Variants in CHSY3 observed in about 807,000 individuals in gnomAD.
CHSY3 encodes the protein chondroitin sulfate synthase 3, also known as N-acetylgalactosaminyl-proteoglycan 3-beta-glucuronosyltransferase 3.
Under a neutral mutation model 67.2 loss-of-function variants are expected in CHSY3, and 35 were observed. The observed-to-expected ratio is 0.52, with a 90% CI of 0.40 to 0.69. The LOEUF is 0.69. Ranked by LOEUF, CHSY3 falls within the 30% of genes least tolerant of loss-of-function variation. The pLI is 0.00. For missense variants in CHSY3, 1,069 were observed against 1,138.5 expected, an observed-to-expected ratio of 0.94 and a Z score of 0.88; for synonymous variants, 474 against 434.7, an observed-to-expected ratio of 1.09 and a Z score of -1.12.
chr5:129,956,978 T>C (rs184493085), intron 2 of CHSY3, among the ~76,000 whole-genome samples: 342 of 152,078 alleles, frequency 2.2e-3, no homozygotes, highest in African/African-American at 7.3e-3. Flanking sequence ...ATTGTAAAAT[T>C]GGTTTTTTTC....
chr5:129,980,357 G>A (rs1249090925), intron 2 of CHSY3, among the ~76,000 whole-genome samples: 2 of 152,140 alleles, frequency 1.3e-5, no homozygotes, highest in Admixed American at 1.3e-4. Context: ...TTTCACATTT[G>A]ACATTTCATT....
At chr5:129,923,850 G>A (rs1052750112) in intron 2 of CHSY3, among the ~76,000 whole-genome samples, 1 of 152,226 alleles carries the variant, frequency 6.6e-6, no homozygotes, top group Non-Finnish European at 1.5e-5. Flanking sequence ...TAGTAGAAAA[G>A]TAAGGATCAT....
intron 2 of CHSY3, among the ~76,000 whole-genome samples, chr5:130,062,626 T>TCC (rs1765752094): frequency 6.6e-6 from 1 of 152,136 alleles, no homozygotes; most frequent in African/African-American, 2.4e-5. Context: ...TGTAATAATT[T>TCC]TTTTAAATGC....
intron 2 of CHSY3, among the ~76,000 whole-genome samples, chr5:130,117,597 C>T (rs998278321): frequency 3.3e-5 from 5 of 152,070 alleles, no homozygotes; most frequent in African/African-American, 7.2e-5. Flanking sequence ...GCATAATAAA[C>T]AAATTTTTTT....
chr5:130,001,396 C>A, intron 2 of CHSY3: 1 of 894,152 alleles, frequency 1.1e-6, no homozygotes, highest in Non-Finnish European at 1.3e-6. Context: ...TCCTTTTCCT[C>A]CAGAGTTAGT....
intron 2 of CHSY3, among the ~76,000 whole-genome samples, chr5:129,949,690 G>A (rs878961073): frequency 6.6e-6 from 1 of 152,106 alleles, no homozygotes; most frequent in African/African-American, 2.4e-5. Context: ...TATCCCTGAT[G>A]AACATACATA....
chr5:130,040,925 T>C (rs1390133168), intron 2 of CHSY3, among the ~76,000 whole-genome samples: 1 of 152,078 alleles, frequency 6.6e-6, no homozygotes, highest in Non-Finnish European at 1.5e-5. Flanking sequence ...TTTAGTAAGC[T>C]CAAGCAGCAA....
intron 2 of CHSY3, among the ~76,000 whole-genome samples, chr5:130,038,763 C>T (rs1430811072): frequency 1.3e-5 from 2 of 152,044 alleles, no homozygotes; most frequent in African/African-American, 4.8e-5. Flanking sequence ...GGTTTATCTG[C>T]ACTGCACTAC....
Position 130,014,346 on chromosome 5 carries a change from A to G in CHSY3, c.1086+105986A>G, listed in dbSNP as rs756488883. ...TGTATTAGTCCATTTTCATGCTGCT[A>G]TGAAGAAATACCCAAAAGTGGGTAA... On this transcript the variant is annotated intron_variant, in intron 2 of 2. Transcript: ENST00000305031. Among the ~76,000 whole-genome samples the G allele has an allele frequency of 2.2e-4, 33 of 152,296 alleles. 1 individual carries two copies. The Middle Eastern group carries it at 0.024, about 110-fold the overall frequency.
chr5:130,124,211 A>C (rs2149710300), intron 2 of CHSY3, among the ~76,000 whole-genome samples: 1 of 152,238 alleles, frequency 6.6e-6, no homozygotes, highest in Non-Finnish European at 1.5e-5. Flanking sequence ...CCGTGGTTGC[A>C]GGACAGTATC....
At chr5:130,020,420 AAAATATATATATATATATATATATAT>A (rs1764335381) in intron 2 of CHSY3, among the ~76,000 whole-genome samples, 1 of 59,204 alleles carries the variant, frequency 1.7e-5, no homozygotes, top group African/African-American at 6.4e-5. Context: ...ACTTCATCTC[AAAATATATATATATATATATATATAT>A]ATATATATAT....
Position 130,069,312 on chromosome 5 carries a change from G to T in CHSY3, c.1087-114917G>T, listed in dbSNP as rs143187512. 2.4e-3 allele frequency among the ~76,000 whole-genome samples: 367 copies of T among 152,064 alleles called. 2 individuals are homozygous for T. The highest frequency in any genetic ancestry group is 8.5e-3 in the African/African-American group (355 of 41,536). On this transcript the variant is annotated intron_variant, in intron 2 of 2. Transcript: ENST00000305031. ...TATGACCAATAAAATGAGCAGAAAT[G>T]AAACATACATTCCAATCTTATGAAC...
intron 2 of CHSY3, among the ~76,000 whole-genome samples, chr5:130,042,823 T>G (rs1765041496): frequency 6.6e-6 from 1 of 152,200 alleles, no homozygotes; most frequent in Non-Finnish European, 1.5e-5. Context: ...AGTTTCTGCT[T>G]GTTATCCTGG....
At chr5:129,949,200 G>A (rs1018477556) in intron 2 of CHSY3, among the ~76,000 whole-genome samples, 1 of 152,096 alleles carries the variant, frequency 6.6e-6, no homozygotes, top group Admixed American at 6.6e-5. Context: ...AATAGTGGGG[G>A]ACTTCAATAC....
At chr5:130,090,739 C>G (rs1766849878) in intron 2 of CHSY3, among the ~76,000 whole-genome samples, 1 of 152,040 alleles carries the variant, frequency 6.6e-6, no homozygotes, top group African/African-American at 2.4e-5. Context: ...GTTTGTTTCC[C>G]GTTAAGACTG....
chr5:130,156,646 G>T (rs539854869), intron 2 of CHSY3, among the ~76,000 whole-genome samples: 1 of 152,188 alleles, frequency 6.6e-6, no homozygotes, highest in Non-Finnish European at 1.5e-5. Flanking sequence ...AGTGCTCAAA[G>T]AGGGCTTAAT....
intron 2 of CHSY3, among the ~76,000 whole-genome samples, chr5:129,957,333 T>C (rs1001040362): frequency 6.6e-6 from 1 of 150,426 alleles, no homozygotes; most frequent in African/African-American, 2.5e-5. Context: ...GAGACTTTGC[T>C]GAAATTGTTT....
chr5:130,114,613 C>T (rs1767720762), intron 2 of CHSY3: 1 of 152,170 alleles, frequency 6.6e-6, no homozygotes, highest in Non-Finnish European at 1.5e-5. Context: ...ACAGCGTCTA[C>T]TACACACTGT....
chr5:130,096,225 T>A (rs907628820), intron 2 of CHSY3, among the ~76,000 whole-genome samples: 2 of 152,108 alleles, frequency 1.3e-5, no homozygotes, highest in Admixed American at 6.5e-5. Context: ...CAGGCTGGAG[T>A]GCAATGGCGC....
Sources: allele counts gnomAD v4.1 joint callset (sites outside exome capture counted in the v4.1 genomes callset), GRCh38; gene constraint gnomAD v4.1.1; transcripts MANE v1.5; gene names NCBI Gene and HGNC (gene_info 2026-07-23, HGNC 2026-07-21).